Variants in CDC37 observed in about 807,000 individuals in gnomAD.
The protein encoded by CDC37 is hsp90 co-chaperone Cdc37.
In CDC37, 9 loss-of-function variants were observed where a neutral mutation model predicts 46.9. That is an observed-to-expected ratio of 0.19 (90% CI 0.12 to 0.33). The LOEUF is 0.33. CDC37 is among the 10% of genes least tolerant of loss of function. CDC37 has a pLI of 1.00. For synonymous variants in CDC37, 193 were observed against 191.0 expected, an observed-to-expected ratio of 1.01 and a Z score of -0.09; for missense variants, 388 against 514.6, an observed-to-expected ratio of 0.75 and a Z score of 2.38.
At chr19:10,399,952 A>AAAAAAAAAAAAAAAAAAAAC (rs2042510352) in intron 1 of CDC37, among the ~76,000 whole-genome samples, 1 of 149,432 alleles carries the variant, frequency 6.7e-6, no homozygotes, top group Non-Finnish European at 1.5e-5. Flanking sequence ...AAAAAAAAAA[A>AAAAAAAAAAAAAAAAAAAAC]AAAAGCAGCT....
intron 1 of CDC37, among the ~76,000 whole-genome samples, chr19:10,399,780 A>C (rs2042508947): frequency 6.6e-6 from 1 of 151,526 alleles, no homozygotes. Flanking sequence ...AAAAATACAA[A>C]AATTAGCCGG....
chr19:10,398,457 G>A lies in CDC37; in HGVS notation c.103-2254C>T, dbSNP rs954522891. The stretch of plus-strand genomic sequence containing the variant: ...TGCTGGAGGACAGCCTTGGGGCAAC[G>A]GCCCCTGGGTCCTAGCCCACAGCCA... On this transcript the variant is annotated intron_variant, in intron 1 of 7. Coordinates refer to ENST00000222005, the MANE Select transcript of CDC37 (RefSeq NM_007065.4). The surrounding 1 kb of genome is among the most constrained non-coding windows in gnomAD (Gnocchi z 4.2). 5.9e-5 allele frequency among the ~76,000 whole-genome samples: 9 copies of A among 152,324 alleles called. No homozygotes were observed. Among genetic ancestry groups the A allele is most frequent in the Admixed American group, 3.3e-4 (5 of 15,302 alleles).
At position 10,391,196 on chromosome 19, in the gene CDC37, G is replaced by A. The variant is rs868081837; in HGVS notation, c.*355C>T. ...TGCCAAATAGAAGACACAGACAGCA[G>A]ACGAACAGTGAAAACAGAGCCCAGT... On this transcript the variant is annotated 3_prime_UTR_variant, in exon 8 of 8. Coordinates refer to ENST00000222005, the MANE Select transcript of CDC37 (RefSeq NM_007065.4). 2.5e-5 allele frequency: 8 copies of A among 319,456 alleles called. 1 individual carries two copies. In the Middle Eastern group the frequency reaches 2.2e-3, roughly 90 times the overall value. The allele number at this position is 319,456 out of a possible 1,614,324, so 19.8% of individuals were successfully genotyped here.
chr19:10,396,673 C>T lies in CDC37; in HGVS notation c.103-470G>A, dbSNP rs2042494110. Among the ~76,000 whole-genome samples the T allele has an allele frequency of 6.6e-6, 1 of 152,124 alleles. No homozygotes were observed. The highest frequency in any genetic ancestry group is 1.5e-5 in the Non-Finnish European group (1 of 68,026). ...CAGCCTCGACCTCCCTGGGCTCAGGCGATCCTCCCACCTCAGTCTCCCAAG... is the reference window on the plus strand; with the variant it reads ...CAGCCTCGACCTCCCTGGGCTCAGGTGATCCTCCCACCTCAGTCTCCCAAG... On this transcript the variant is annotated intron_variant, in intron 1 of 7. Transcript: ENST00000222005. The surrounding 1 kb of genome is among the most constrained non-coding windows in gnomAD (Gnocchi z 5.9).
rs1405480386 is a variant in CDC37 at position 10,396,537 on chromosome 19, T to C, written c.103-334A>G. ...ACACCAGCCCCTCACTTTTCTCACC[T>C]TTTCTTGAGGCCATTTTTTTTGTTT... On this transcript the variant is annotated intron_variant, in intron 1 of 7. Transcript: ENST00000222005. This position sits in a 1 kb window ranked among gnomAD's most constrained non-coding sequence, Gnocchi z 5.9. Among the ~76,000 whole-genome samples, 1 of 152,146 alleles carries C rather than the reference T, an allele frequency of 6.6e-6. No individual in the cohort carries two copies. Among genetic ancestry groups the C allele is most frequent in the Non-Finnish European group, 1.5e-5 (1 of 68,016 alleles).
Position 10,403,501 on chromosome 19 carries a change from G to T in CDC37, c.-22C>A. 2 of 1,584,866 alleles carry T rather than the reference G, an allele frequency of 1.3e-6. No homozygotes were observed. Among genetic ancestry groups the T allele is most frequent in the Non-Finnish European group, 1.7e-6 (2 of 1,156,264 alleles). On this transcript the variant is annotated 5_prime_UTR_variant, in exon 1 of 8. Coordinates refer to ENST00000222005, the MANE Select transcript of CDC37 (RefSeq NM_007065.4). Reference sequence around the variant, plus strand: ...CCATCTTGCCTTGGCGGCCCAGCCCGCTCCGGCTCGGGTGGCGGCGACGGC... The same window carrying T: ...CCATCTTGCCTTGGCGGCCCAGCCCTCTCCGGCTCGGGTGGCGGCGACGGC...
rs1168211439 is a variant in CDC37 at position 10,396,971 on chromosome 19, C to G, written c.103-768G>C. On this transcript the variant is annotated intron_variant, in intron 1 of 7. Transcript: ENST00000222005. This position sits in a 1 kb window ranked among gnomAD's most constrained non-coding sequence, Gnocchi z 5.9. ...CCCCCACAGCTGACTCCATGGCACC[C>G]GTGCCATCTGGGCTCCATGTTGCCT... Among the ~76,000 whole-genome samples the G allele has an allele frequency of 6.6e-6, 1 of 152,164 alleles. No individual in the cohort carries two copies.
chr19:10,394,188 C>T (rs1328987285), intron 5 of CDC37, among the ~76,000 whole-genome samples: 1 of 152,138 alleles, frequency 6.6e-6, no homozygotes, highest in Non-Finnish European at 1.5e-5. Flanking sequence ...TGCTTGAACC[C>T]GGGAGGCAGG....
At position 10,396,722 on chromosome 19, in the gene CDC37, C is replaced by T. The variant is rs977324990; in HGVS notation, c.103-519G>A. On this transcript the variant is annotated intron_variant, in intron 1 of 7. Transcript: ENST00000222005. This position sits in a 1 kb window ranked among gnomAD's most constrained non-coding sequence, Gnocchi z 5.9. Reference sequence around the variant, plus strand: ...AGTAGCTGGGACTACAGGTGTGCACCAGCACGCCCAGCTAATTTTTGTATT... The same window carrying T: ...AGTAGCTGGGACTACAGGTGTGCACTAGCACGCCCAGCTAATTTTTGTATT... Among the ~76,000 whole-genome samples, 1 of 151,996 alleles carries T rather than the reference C, an allele frequency of 6.6e-6. No individual in the cohort carries two copies. The highest frequency in any genetic ancestry group is 1.5e-5 in the Non-Finnish European group (1 of 67,992).
chr19:10,401,722 C>A (rs971009723), intron 1 of CDC37, among the ~76,000 whole-genome samples: 13 of 152,070 alleles, frequency 8.5e-5, no homozygotes, highest in Non-Finnish European at 1.6e-4. Flanking sequence ...GAGACTAATG[C>A]CGTATTCCAG....
intron 2 of CDC37, 132 bp downstream of exon 2, chr19:10,395,796 C>T (rs1418321730): frequency 3.3e-6 from 2 of 607,066 alleles, no homozygotes; most frequent in Non-Finnish European, 5.1e-6. Context: ...TCCCTCAGCT[C>T]CCCGCCCCCC....
intron 1 of CDC37, among the ~76,000 whole-genome samples, chr19:10,399,689 T>C (rs2042508475): frequency 6.6e-6 from 1 of 150,602 alleles, no homozygotes; most frequent in Non-Finnish European, 1.5e-5. Flanking sequence ...TCCCAACACT[T>C]TGGGAGGCCA....
rs532403111 is a variant in CDC37 at position 10,391,704 on chromosome 19, G to A, written c.984C>T (p.Asp328=). 1.1e-5 allele frequency: 18 copies of A among 1,611,638 alleles called. No homozygotes were observed. Among genetic ancestry groups the A allele is most frequent in the African/African-American group, 1.1e-4 (8 of 74,974 alleles). The part of the protein sequence containing the change: ...QDAISKMDPT[D]AKYHMQRCID... ...TGCAGCGCTGCATGTGGTACTTTGCGTCCTGTGAGGAGAAGGCAGGCAGAT... is the reference window on the plus strand; with the variant it reads ...TGCAGCGCTGCATGTGGTACTTTGCATCCTGTGAGGAGAAGGCAGGCAGAT... The change falls in exon 8 of 8, where the codon GAC becomes GAT. Residue 328 remains aspartate, a splice_region_variant and synonymous_variant. Coordinates refer to ENST00000222005, the MANE Select transcript of CDC37 (RefSeq NM_007065.4).
Position 10,393,337 on chromosome 19 carries a change from C to T in CDC37, c.831G>A (p.Glu277=), listed in dbSNP as rs1456678636. 2 of 1,613,976 alleles carry T rather than the reference C, an allele frequency of 1.2e-6. No homozygotes were observed. The highest frequency in any genetic ancestry group is 8.5e-7 in the Non-Finnish European group (1 of 1,179,998). ...AKLRIEKAMK[E]YEEEERKKRL... ...GCTTCTTGCGCTCCTCCTCCTCGTA[C>T]TCCTTCATGGCCTTCTCGATGCGCA... Residue 277 remains glutamate (E), a synonymous_variant, in exon 6 of 8, where the codon GAG becomes GAA. Transcript: ENST00000222005. The surrounding 1 kb of genome is among the most constrained non-coding windows in gnomAD (Gnocchi z 4.9).
intron 7 of CDC37, 133 bp downstream of exon 7, chr19:10,392,953 T>C (rs1427912795): frequency 4.0e-6 from 3 of 743,584 alleles, no homozygotes; most frequent in Non-Finnish European, 7.1e-6. Flanking sequence ...TGTGCCAAGG[T>C]GACACGACCC....
chr19:10,397,598 C>T (rs981439942), intron 1 of CDC37, among the ~76,000 whole-genome samples: 4 of 151,818 alleles, frequency 2.6e-5, no homozygotes, highest in Non-Finnish European at 4.4e-5. Context: ...TTAATAGAGA[C>T]GGGGTTTCTC....
rs1220230658 is a variant in CDC37, at chr19:10,391,716, G to C, written c.982-10C>G. On this transcript the variant is annotated splice_polypyrimidine_tract_variant and intron_variant, in intron 7 of 7. Coordinates refer to ENST00000222005, the MANE Select transcript of CDC37 (RefSeq NM_007065.4). ...TGTGGTACTTTGCGTCCTGTGAGGAGAAGGCAGGCAGATGAGGTGGGGCCG... is the reference window on the plus strand; with the variant it reads ...TGTGGTACTTTGCGTCCTGTGAGGACAAGGCAGGCAGATGAGGTGGGGCCG... 6.2e-7 allele frequency: 1 copy of C among 1,609,590 alleles called. No homozygotes were observed. The highest frequency in any genetic ancestry group is 1.7e-5 in the Admixed American group (1 of 59,790).
chr19:10,403,530 A>G lies in CDC37; in HGVS notation c.-51T>C, dbSNP rs1388977978. ...CGGCTCGGGTGGCGGCGACGGCGGC[A>G]GCAGTGGAGACTAGGAGCGCGGAGC... is the stretch of plus-strand genomic sequence containing the variant. On this transcript the variant is annotated 5_prime_UTR_variant, in exon 1 of 8. Transcript: ENST00000222005. The G allele has an allele frequency of 1.4e-6, 2 of 1,404,008 alleles. No homozygotes were observed. The highest frequency in any genetic ancestry group is 1.7e-5 in the Admixed American group (1 of 57,246). 87.0% of individuals were successfully genotyped at this position (1,404,008 alleles called of 1,614,324 possible).
In CDC37 at chr19:10,393,575, G is replaced by A; in HGVS notation, c.727-134C>T. The A allele has an allele frequency of 1.1e-6, 1 of 913,294 alleles. No individual in the cohort carries two copies. The highest frequency in any genetic ancestry group is 1.6e-6 in the Non-Finnish European group (1 of 626,788). 56.6% of individuals were successfully genotyped at this position (913,294 alleles called of 1,614,324 possible). A position where few individuals can be genotyped will look rare whatever the true frequency, so the allele number is the denominator to read the frequency against. On this transcript the variant is annotated intron_variant, in intron 5 of 7. Coordinates refer to ENST00000222005, the MANE Select transcript of CDC37 (RefSeq NM_007065.4). The surrounding 1 kb of genome is among the most constrained non-coding windows in gnomAD (Gnocchi z 4.9). ...AGTCTATTCCTGACCTACATGAAGG[G>A]CTCCCCAAGGCCTGGGCTCCCCCGC...
Sources: gnomAD v4.1 joint callset for allele counts (sites outside exome capture counted in the v4.1 genomes callset) on GRCh38, gnomAD v4.1.1 for gene constraint, Gnocchi (gnomAD v3.1) non-coding constraint, MANE v1.5 for transcripts, NCBI Gene and HGNC (gene_info 2026-07-23, HGNC 2026-07-21) for gene names.